Variants in HSD17B12 observed in about 807,000 individuals in gnomAD.
The protein encoded by HSD17B12 is very-long-chain 3-oxoacyl-CoA reductase.
Under a neutral mutation model 39.3 loss-of-function variants are expected in HSD17B12, and 32 were observed. The ratio of observed to expected loss-of-function variants is 0.81; its 90% confidence interval spans 0.61 to 1.09. HSD17B12 has a LOEUF of 1.09. Ranked by LOEUF, HSD17B12 falls within the 50% of genes least tolerant of loss-of-function variation. HSD17B12 has a pLI of 0.00. For missense variants in HSD17B12, 342 were observed against 382.9 expected, an observed-to-expected ratio of 0.89 and a Z score of 0.89; for synonymous variants, 150 against 146.7, an observed-to-expected ratio of 1.02 and a Z score of -0.16.
intron 1 of HSD17B12, among the ~76,000 whole-genome samples, chr11:43,716,853 A>G (rs1415317069): frequency 1.3e-5 from 2 of 151,478 alleles, no homozygotes; most frequent in Non-Finnish European, 2.9e-5. Flanking sequence ...CAGGTGAAGG[A>G]GGCAGGGGAA....
At chr11:43,706,056 A>G (rs140517311) in intron 1 of HSD17B12, among the ~76,000 whole-genome samples, 64 of 152,236 alleles carry the variant, frequency 4.2e-4, no homozygotes, top group Non-Finnish European at 7.9e-4. Flanking sequence ...GCAAAGATGT[A>G]TGGAACTCAG....
At chr11:43,710,244 T>C (rs914610705) in intron 1 of HSD17B12, among the ~76,000 whole-genome samples, 3 of 152,244 alleles carry the variant, frequency 2.0e-5, no homozygotes, top group Admixed American at 2.0e-4. Flanking sequence ...TGTTTCCTTA[T>C]CTTATTTTAA....
At chr11:43,674,350 A>T in the HSD17B12 span, among the ~76,000 whole-genome samples, 1 of 152,172 alleles carries the variant, frequency 6.6e-6, no homozygotes, top group Non-Finnish European at 1.5e-5. Flanking sequence ...AAAGTGTGTG[A>T]CCACCTGAAC....
At chr11:43,571,222 C>T in the HSD17B12 span, among the ~76,000 whole-genome samples, 1 of 152,232 alleles carries the variant, frequency 6.6e-6, no homozygotes, top group Non-Finnish European at 1.5e-5. Flanking sequence ...AGATAAACAA[C>T]TGTCCTTCAA....
At chr11:43,845,028 C>T (rs1477738041) in intron 9 of HSD17B12, among the ~76,000 whole-genome samples, 1 of 152,208 alleles carries the variant, frequency 6.6e-6, no homozygotes, top group East Asian at 1.9e-4. Context: ...GGTTCTCACT[C>T]TGTCACCCAG....
At chr11:43,733,459 G>T (rs1356512826) in intron 1 of HSD17B12, among the ~76,000 whole-genome samples, 2 of 152,106 alleles carry the variant, frequency 1.3e-5, no homozygotes, top group East Asian at 3.9e-4. Context: ...ACTGTGTTTG[G>T]CACATGTTAG....
At chr11:43,799,393 A>G (rs558293803) in intron 4 of HSD17B12, among the ~76,000 whole-genome samples, 3 of 152,006 alleles carry the variant, frequency 2.0e-5, no homozygotes, top group Non-Finnish European at 4.4e-5. Context: ...TCTAAGTCTT[A>G]TACCCCTTTT....
chr11:43,557,823 C>T, the HSD17B12 span, among the ~76,000 whole-genome samples: 1 of 152,004 alleles, frequency 6.6e-6, no homozygotes, highest in Non-Finnish European at 1.5e-5. Context: ...AGTCTGGGGA[C>T]TTACAGGGTT....
the HSD17B12 span, among the ~76,000 whole-genome samples, chr11:43,580,401 T>C: frequency 1.6e-4 from 24 of 150,532 alleles, 1 homozygote; most frequent in South Asian, 4.9e-3. Context: ...GGCTGCAGAG[T>C]TGAAAGTGCA....
At chr11:43,589,062 C>G in the HSD17B12 span, among the ~76,000 whole-genome samples, 3 of 151,546 alleles carry the variant, frequency 2.0e-5, no homozygotes. Flanking sequence ...AGCATATATC[C>G]AGTCCTAAAT....
At chr11:43,841,027 C>T (rs975289950) in intron 9 of HSD17B12, among the ~76,000 whole-genome samples, 9 of 152,170 alleles carry the variant, frequency 5.9e-5, no homozygotes, top group African/African-American at 2.2e-4. Context: ...TCTTCACCAA[C>T]ACTTGTTATT....
At chr11:43,784,501 C>A (rs1033004888) in intron 3 of HSD17B12, among the ~76,000 whole-genome samples, 3 of 151,716 alleles carry the variant, frequency 2.0e-5, no homozygotes, top group Non-Finnish European at 4.4e-5. Context: ...CTTCCTTATT[C>A]CCCCCTTGGA....
chr11:43,587,927 G>A, the HSD17B12 span, among the ~76,000 whole-genome samples: 1 of 152,200 alleles, frequency 6.6e-6, no homozygotes, highest in African/African-American at 2.4e-5. Flanking sequence ...TGTTGGGTTG[G>A]TAGACTGGCT....
chr11:43,747,880 GC>G (rs149621175), intron 1 of HSD17B12, among the ~76,000 whole-genome samples: 4,971 of 152,082 alleles, frequency 0.033, 291 homozygotes, highest in African/African-American at 0.11. Context: ...TGGCTCTCTG[GC>G]CCCCACTCTT....
At chr11:43,777,641 A>G (rs1457411176) in intron 3 of HSD17B12, among the ~76,000 whole-genome samples, 5 of 152,168 alleles carry the variant, frequency 3.3e-5, no homozygotes, top group Non-Finnish European at 5.9e-5. Flanking sequence ...TTCCAACACT[A>G]TGTTGAATAG....
At chr11:43,752,670 C>T (rs187821812) in intron 2 of HSD17B12, among the ~76,000 whole-genome samples, 1 of 152,074 alleles carries the variant, frequency 6.6e-6, no homozygotes, top group East Asian at 1.9e-4. Context: ...GCCGAGATCA[C>T]ACCGTGGCAC....
the HSD17B12 span, among the ~76,000 whole-genome samples, chr11:43,647,193 G>A: frequency 1.3e-5 from 2 of 151,834 alleles, no homozygotes; most frequent in Admixed American, 6.5e-5. Context: ...AGGGAACAGA[G>A]TGTATCTGTT....
chr11:43,604,858 T>C, the HSD17B12 span, among the ~76,000 whole-genome samples: 1 of 152,238 alleles, frequency 6.6e-6, no homozygotes, highest in Non-Finnish European at 1.5e-5. Context: ...AATGATACAA[T>C]TTTATATTTT....
intron 4 of HSD17B12, among the ~76,000 whole-genome samples, chr11:43,804,402 G>T (rs957218874): frequency 3.9e-5 from 6 of 152,266 alleles, no homozygotes; most frequent in Middle Eastern, 3.4e-3. Context: ...CATACGCATT[G>T]CTAATAATTT....
Sources: gnomAD v4.1 joint callset for allele counts (sites outside exome capture counted in the v4.1 genomes callset) on GRCh38, gnomAD v4.1.1 for gene constraint, MANE v1.5 for transcripts, NCBI Gene and HGNC (gene_info 2026-07-23, HGNC 2026-07-21) for gene names.